The following DYNC1I1 variants were observed in gnomAD, a reference collection of about 807,000 sequenced individuals.
The protein encoded by DYNC1I1 is cytoplasmic dynein 1 intermediate chain 1.
In DYNC1I1, 43 loss-of-function variants were observed where a neutral mutation model predicts 86.6. The ratio of observed to expected loss-of-function variants is 0.50; its 90% CI spans 0.39 to 0.64. DYNC1I1 has a LOEUF of 0.64. Among genes scored for constraint, DYNC1I1 ranks in the 30% least tolerant of loss-of-function variants. DYNC1I1 has a pLI of 0.00. For missense variants in DYNC1I1, 604 were observed against 788.8 expected (o/e 0.77, Z 2.81); for synonymous variants, 262 against 283.7 (o/e 0.92, Z 0.77).
chr7:96,015,079 T>A (rs1794369137), intron 10 of DYNC1I1, among the ~76,000 whole-genome samples: 1 of 152,192 alleles, frequency 6.6e-6, no homozygotes, highest in South Asian at 2.1e-4. Context: ...CACAAGTCTA[T>A]GCACAAAGCA....
At chr7:95,962,879 C>A (rs1217631286) in intron 6 of DYNC1I1, among the ~76,000 whole-genome samples, 1 of 152,114 alleles carries the variant, frequency 6.6e-6, no homozygotes, top group Non-Finnish European at 1.5e-5. Flanking sequence ...ACCCAGGAAT[C>A]CTTAGAACCC....
At chr7:96,016,939 A>G (rs185174098) in intron 10 of DYNC1I1, among the ~76,000 whole-genome samples, 26 of 152,286 alleles carry the variant, frequency 1.7e-4, no homozygotes, top group Admixed American at 1.4e-3. Flanking sequence ...CCTTAGTGTC[A>G]CTTTCATGTG....
intron 5 of DYNC1I1, among the ~76,000 whole-genome samples, chr7:95,836,809 T>C (rs930516070): frequency 6.6e-6 from 1 of 152,230 alleles, no homozygotes; most frequent in Non-Finnish European, 1.5e-5. Flanking sequence ...GTCTTGGTTT[T>C]CAGCTCCATC....
At chr7:96,042,307 TA>T (rs1233949854) in intron 14 of DYNC1I1, among the ~76,000 whole-genome samples, 3 of 152,254 alleles carry the variant, frequency 2.0e-5, no homozygotes, top group African/African-American at 7.2e-5. Context: ...GAGTGGGAAG[TA>T]TACTAAGAAC....
chr7:95,871,567 T>C (rs1011831811), intron 6 of DYNC1I1, among the ~76,000 whole-genome samples: 3 of 152,160 alleles, frequency 2.0e-5, no homozygotes, highest in African/African-American at 7.2e-5. Context: ...ACTTGACCCA[T>C]AGCATAAAGT....
intron 6 of DYNC1I1, among the ~76,000 whole-genome samples, chr7:95,882,924 T>C (rs1185918514): frequency 1.3e-5 from 2 of 152,206 alleles, no homozygotes; most frequent in Non-Finnish European, 2.9e-5. Flanking sequence ...ATTTGTACGT[T>C]GGGATCATTT....
intron 5 of DYNC1I1, among the ~76,000 whole-genome samples, chr7:95,855,907 G>A (rs1180843767): frequency 6.6e-6 from 1 of 152,140 alleles, no homozygotes; most frequent in Non-Finnish European, 1.5e-5. Flanking sequence ...GAAGGTCTAG[G>A]ACATTACTGT....
intron 2 of DYNC1I1, among the ~76,000 whole-genome samples, chr7:95,809,836 A>G (rs1794787537): frequency 6.6e-6 from 1 of 152,192 alleles, no homozygotes. Context: ...AGACATATCA[A>G]TATTGATCAC....
chr7:95,827,439 T>A (rs907161611), intron 4 of DYNC1I1, among the ~76,000 whole-genome samples: 1 of 152,224 alleles, frequency 6.6e-6, no homozygotes, highest in African/African-American at 2.4e-5. Flanking sequence ...GCTTATGCAA[T>A]GTTTAAAAAA....
At chr7:96,097,175 T>G (rs1791037537) in intron 16 of DYNC1I1, among the ~76,000 whole-genome samples, 1 of 152,198 alleles carries the variant, frequency 6.6e-6, no homozygotes, top group African/African-American at 2.4e-5. Context: ...GGTCTTCTTA[T>G]GAAAAAAATT....
chr7:96,050,025 AAAAACAAACAAAC>A (rs1007965398), intron 14 of DYNC1I1, among the ~76,000 whole-genome samples: 1 of 148,664 alleles, frequency 6.7e-6, no homozygotes, highest in African/African-American at 2.5e-5. Flanking sequence ...CCATCTCAAA[AAAAACAAACAAAC>A]AAAAAAAAAA....
At chr7:96,052,581 G>C (rs1323954612) in intron 14 of DYNC1I1, among the ~76,000 whole-genome samples, 3 of 152,178 alleles carry the variant, frequency 2.0e-5, no homozygotes, top group African/African-American at 7.2e-5. Flanking sequence ...ACCATGCTAA[G>C]TATAGGGTAA....
At chr7:95,834,368 T>G (rs1327505649) in intron 5 of DYNC1I1, among the ~76,000 whole-genome samples, 17 of 97,464 alleles carry the variant, frequency 1.7e-4, no homozygotes, top group Non-Finnish European at 3.3e-4. Flanking sequence ...CTGGATTCGT[T>G]TTGCCAGTAT....
chr7:96,090,452 G>T (rs1027281184), intron 16 of DYNC1I1, among the ~76,000 whole-genome samples: 1 of 151,808 alleles, frequency 6.6e-6, no homozygotes. Context: ...CTATTTACTT[G>T]ACTTTTATGT....
intron 6 of DYNC1I1, among the ~76,000 whole-genome samples, chr7:95,972,594 T>A (rs995306243): frequency 1.3e-5 from 2 of 152,134 alleles, no homozygotes; most frequent in African/African-American, 4.8e-5. Context: ...TGCATTATAC[T>A]GTATTGCCAA....
Position 96,030,097 on chromosome 7 carries a change from T to C in DYNC1I1, c.1116+1776T>C, listed in dbSNP as rs1255963386. 2.6e-5 allele frequency among the ~76,000 whole-genome samples: 4 copies of C among 152,134 alleles called. No homozygotes were observed. In the East Asian group the frequency reaches 7.7e-4, roughly 29 times the overall value. On this transcript the variant is annotated intron_variant, in intron 11 of 16. Transcript: ENST00000447467. Reference sequence around the variant, plus strand: ...TGTGACTGTCTTTCAACTTTCACTATTGGCTGACTGATTGGTACCAGGATC... The same window carrying C: ...TGTGACTGTCTTTCAACTTTCACTACTGGCTGACTGATTGGTACCAGGATC...
At chr7:96,001,830 G>A (rs949468290) in intron 10 of DYNC1I1, among the ~76,000 whole-genome samples, 1 of 151,872 alleles carries the variant, frequency 6.6e-6, no homozygotes, top group Non-Finnish European at 1.5e-5. Flanking sequence ...TTGAGGGTGG[G>A]GGCTTCAACA....
At chr7:95,970,820 T>C (rs1332180989) in intron 6 of DYNC1I1, among the ~76,000 whole-genome samples, 10 of 152,152 alleles carry the variant, frequency 6.6e-5, no homozygotes, top group Non-Finnish European at 1.3e-4. Context: ...CGGTATGAGA[T>C]GTGTTATTGT....
At chr7:95,796,477 G>C (rs1794438993) in intron 1 of DYNC1I1, among the ~76,000 whole-genome samples, 2 of 151,778 alleles carry the variant, frequency 1.3e-5, no homozygotes, top group African/African-American at 4.8e-5. Context: ...TGCTCTATAG[G>C]GTCTTTTCTT....
Sources: gnomAD v4.1 joint callset for allele counts (sites outside exome capture counted in the v4.1 genomes callset) on GRCh38, gnomAD v4.1.1 for gene constraint, MANE v1.5 for transcripts, NCBI Gene and HGNC (gene_info 2026-07-23, HGNC 2026-07-21) for gene names.